The following N4BP2 variants were observed in gnomAD, a reference collection of about 807,000 sequenced individuals.
N4BP2 encodes the protein NEDD4-binding protein 2.
N4BP2 carries 91 observed loss-of-function variants against 152.8 expected under a neutral mutation model. That is an observed-to-expected ratio of 0.60 (90% CI 0.50 to 0.71). The LOEUF (loss-of-function observed/expected upper bound fraction) is 0.71. Ranked by LOEUF, N4BP2 falls within the 30% of genes least tolerant of loss-of-function variation. The pLI, the probability that N4BP2 is intolerant of heterozygous loss-of-function variation, is 0.00. For synonymous variants in N4BP2, 646 were observed against 705.3 expected (o/e 0.92, Z 1.33); for missense variants, 1,923 against 2,059.1 (o/e 0.93, Z 1.28).
rs2109998388 is a variant in N4BP2 at position 40,121,855 on chromosome 4, G to C, written c.3744G>C (p.Gln1248His). 3.1e-6 allele frequency: 5 copies of C among 1,613,698 alleles called. No individual in the cohort carries two copies. Among genetic ancestry groups the C allele is most frequent in the Non-Finnish European group, 4.2e-6 (5 of 1,179,874 alleles). Residue 1248 changes from glutamine (Q) to histidine (H), a missense_variant, in exon 9 of 18, where the codon CAG (glutamine) becomes CAC (histidine). Coordinates refer to ENST00000261435, the MANE Select transcript of N4BP2 (RefSeq NM_018177.6). ...SQEELLYSSK[Q>H]SFPGILKATT... ...AAGAACTTTTATATAGCAGTAAGCA[G>C]TCCTTTCCAGGTATTCTAAAAGCTA...
At chr4:40,119,670 T>C (rs1305794551) in intron 8 of N4BP2, among the ~76,000 whole-genome samples, 9 of 152,140 alleles carry the variant, frequency 5.9e-5, no homozygotes, top group Non-Finnish European at 8.8e-5. Context: ...GAAAATCTCA[T>C]ATGTACTATT....
chr4:40,146,119 C>T (rs71608016), intron 16 of N4BP2, among the ~76,000 whole-genome samples: 26,559 of 151,786 alleles, frequency 0.17, 3,025 homozygotes, highest in Admixed American at 0.25. Flanking sequence ...GCCAAGATCA[C>T]GCCACTGCCC....
rs759587739 is a variant in N4BP2, at chr4:40,120,716, G to T, written c.2605G>T (p.Asp869Tyr). Reference protein sequence around the residue: ...ASEPLNSYKYDAYKNIDKNSF... With the variant: ...ASEPLNSYKYYAYKNIDKNSF... The stretch of plus-strand genomic sequence containing the variant: ...AGAGCCACTCAATAGCTATAAATAT[G>T]ATGCTTATAAAAATATTGACAAAAA... The change falls in exon 9 of 18, where the codon GAT (aspartate) becomes TAT (tyrosine). Residue 869 changes from aspartate (D) to tyrosine (Y), a missense_variant. Asp to Tyr is a radical substitution (Grantham distance 160, BLOSUM62 -3). Transcript: ENST00000261435. The T allele has an allele frequency of 3.1e-6, 5 of 1,614,042 alleles. No homozygotes were observed. The South Asian group carries it at 5.5e-5, about 18-fold the overall frequency.
downstream of N4BP2, among the ~76,000 whole-genome samples, chr4:40,160,535 T>A (rs1365289611): frequency 2.0e-5 from 3 of 152,218 alleles, no homozygotes; most frequent in Non-Finnish European, 2.9e-5. Flanking sequence ...TAGGCTAGGC[T>A]AAGCTATGAT....
intron 13 of N4BP2, among the ~76,000 whole-genome samples, chr4:40,135,724 G>A (rs1458503642): frequency 2.6e-5 from 4 of 152,024 alleles, no homozygotes; most frequent in South Asian, 2.1e-4. Flanking sequence ...CACCATGCCC[G>A]GCTAATTTAT....
chr4:40,057,738 C>T (rs1020569119), intron 1 of N4BP2, among the ~76,000 whole-genome samples: 2 of 152,004 alleles, frequency 1.3e-5, no homozygotes, highest in African/African-American at 4.8e-5. Flanking sequence ...TTAGCGGGGG[C>T]ACAGTTTATC....
At chr4:40,131,639 C>T (rs1333966649) in intron 12 of N4BP2, among the ~76,000 whole-genome samples, 162 bp from the exon 13 acceptor site, 1 of 152,022 alleles carries the variant, frequency 6.6e-6, no homozygotes, top group Non-Finnish European at 1.5e-5. Context: ...ATAAATAGTG[C>T]AAGAGTACTC....
Position 40,102,179 on chromosome 4 carries a change from G to C in N4BP2, c.334G>C (p.Ala112Pro). 6.2e-7 allele frequency: 1 copy of C among 1,613,860 alleles called. No homozygotes were observed. Among genetic ancestry groups the C allele is most frequent in the Non-Finnish European group, 8.5e-7 (1 of 1,179,892 alleles). The change falls in exon 4 of 18, where the codon GCA (alanine) becomes CCA (proline). Residue 112 changes from alanine to proline, a missense_variant. Coordinates refer to ENST00000261435, the MANE Select transcript of N4BP2 (RefSeq NM_018177.6). ...TGCTTCTGAGAACCAAGTAGGTGCA[G>C]CAGAAAGTAAAATAATGGAAAAACG... is the stretch of plus-strand genomic sequence containing the variant. ...FVASENQVGA[A>P]ESKIMEKRPE...
chr4:40,143,263 A>T (rs1159072771), intron 15 of N4BP2, among the ~76,000 whole-genome samples: 2 of 152,090 alleles, frequency 1.3e-5, no homozygotes, highest in Non-Finnish European at 2.9e-5. Flanking sequence ...TTGGGAAGTA[A>T]AATTTCTACC....
Position 40,156,928 on chromosome 4 carries a change from A to C in N4BP2, c.*2691A>C, listed in dbSNP as rs1199704478. 6.6e-6 allele frequency: 1 copy of C among 152,152 alleles called. No individual in the cohort carries two copies. Among genetic ancestry groups the C allele is most frequent in the African/African-American group, 2.4e-5 (1 of 41,448 alleles). 9.4% of individuals were successfully genotyped at this position (152,152 alleles called of 1,614,324 possible). A position where few individuals can be genotyped will look rare whatever the true frequency, so the allele number is the denominator to read the frequency against. ...ACTTCTGGTCCTAAGCATTTTGAGT[A>C]GGGGATACTCACTCAACCTGTATAT... is the stretch of plus-strand genomic sequence containing the variant. On this transcript the variant is annotated 3_prime_UTR_variant, in exon 18 of 18. Coordinates refer to ENST00000261435, the MANE Select transcript of N4BP2 (RefSeq NM_018177.6).
At chr4:40,146,330 A>AC in intron 16 of N4BP2, among the ~76,000 whole-genome samples, 1 of 151,600 alleles carries the variant, frequency 6.6e-6, no homozygotes. Flanking sequence ...GTCAGTCTTG[A>AC]CCCCCATACT....
Position 40,121,614 on chromosome 4 carries a change from C to A in N4BP2, c.3503C>A (p.Thr1168Asn), listed in dbSNP as rs999336615. The A allele has an allele frequency of 4.9e-5, 79 of 1,614,000 alleles. No homozygotes were observed. The highest frequency in any genetic ancestry group is 6.7e-5 in the Non-Finnish European group (79 of 1,180,012). The stretch of plus-strand genomic sequence containing the variant: ...AAAGAAATTATTAGCCAAAGAGGAA[C>A]TTTAGAGAATTCTAATTCTCCTGTG... The part of the protein sequence containing the change: ...NLKEIISQRG[T>N]LENSNSPVPE... Residue 1168 changes from threonine (T) to asparagine (N), a missense_variant, in exon 9 of 18, where the codon ACT becomes AAT. By Grantham distance (65) the Thr-to-Asn change is moderately conservative (BLOSUM62 0). Coordinates refer to ENST00000261435, the MANE Select transcript of N4BP2 (RefSeq NM_018177.6).
the N4BP2 span, among the ~76,000 whole-genome samples, chr4:40,180,248 A>G: frequency 6.6e-6 from 1 of 152,252 alleles, no homozygotes; most frequent in Non-Finnish European, 1.5e-5. Flanking sequence ...ATAGAAAAAA[A>G]TGGGCACAAG....
chr4:40,101,813 TTGA>T (rs1328356614), intron 3 of N4BP2, among the ~76,000 whole-genome samples: 1 of 152,202 alleles, frequency 6.6e-6, no homozygotes, highest in African/African-American at 2.4e-5. Flanking sequence ...TAATATTTAT[TTGA>T]TGATAGTTTA....
At chr4:40,189,662 G>A in the N4BP2 span, among the ~76,000 whole-genome samples, 6 of 152,260 alleles carry the variant, frequency 3.9e-5, no homozygotes, top group Admixed American at 3.3e-4. This position sits in a 1 kb window ranked among gnomAD's most constrained non-coding sequence, Gnocchi z 4.3. Context: ...GCTGAGGGGG[G>A]CAGATCACCT....
the N4BP2 span, among the ~76,000 whole-genome samples, chr4:40,175,807 GAAA>G: frequency 1.1e-4 from 7 of 64,020 alleles, no homozygotes; most frequent in South Asian, 1.0e-3. Flanking sequence ...CTCGTCTCAA[GAAA>G]AAAAAAAAAA....
chr4:40,097,558 G>T lies in N4BP2; in HGVS notation c.218G>T (p.Cys73Phe). The change falls in exon 3 of 18, where the codon TGT becomes TTT. Residue 73 changes from cysteine to phenylalanine, a missense_variant. Transcript: ENST00000261435. ...GTAGTGTATTTGATGCTTTCTGAAT[G>T]TGATTTCAAAGGTGAGAAAAAGTTT... ...PDVVYLMLSE[C>F]DFKVENAMDC... 1.2e-6 allele frequency: 2 copies of T among 1,609,746 alleles called. No homozygotes were observed. The highest frequency in any genetic ancestry group is 1.7e-6 in the Non-Finnish European group (2 of 1,176,300).
At chr4:40,098,502 T>C (rs1017119708) in intron 3 of N4BP2, among the ~76,000 whole-genome samples, 2 of 152,206 alleles carry the variant, frequency 1.3e-5, no homozygotes, top group African/African-American at 4.8e-5. Context: ...AATTAAATGT[T>C]GATGCTTAGT....
chr4:40,068,905 G>A (rs1281512752), intron 1 of N4BP2, among the ~76,000 whole-genome samples: 1 of 152,134 alleles, frequency 6.6e-6, no homozygotes, highest in Non-Finnish European at 1.5e-5. Flanking sequence ...GATCACTTGA[G>A]GTCAGGGGTT....
Sources: gnomAD v4.1 joint callset for allele counts (sites outside exome capture counted in the v4.1 genomes callset) on GRCh38, gnomAD v4.1.1 for gene constraint, Gnocchi (gnomAD v3.1) non-coding constraint, MANE v1.5 for transcripts, NCBI Gene and HGNC (gene_info 2026-07-23, HGNC 2026-07-21) for gene names.